LRRC1: variants seen among roughly 807,000 people sequenced by gnomAD.
LRRC1 encodes the protein leucine-rich repeat-containing protein 1.
Under a neutral mutation model 69.9 loss-of-function variants are expected in LRRC1, and 28 were observed. The ratio of observed to expected loss-of-function variants is 0.40; its 90% CI spans 0.30 to 0.55. The LOEUF (loss-of-function observed/expected upper bound fraction) is 0.55. Among genes scored for constraint, LRRC1 ranks in the 20% least tolerant of loss-of-function variants. The pLI, the probability that LRRC1 is intolerant of heterozygous loss-of-function variation, is 0.47. For synonymous variants in LRRC1, 236 were observed against 240.2 expected (o/e 0.98, Z 0.16); for missense variants, 498 against 609.0 (o/e 0.82, Z 1.92).
chr6:53,839,989 G>A (rs1357174466), intron 1 of LRRC1, among the ~76,000 whole-genome samples: 1 of 152,096 alleles, frequency 6.6e-6, no homozygotes, highest in Admixed American at 6.5e-5. Context: ...TCATATTGCT[G>A]CAGTGTAGAT....
chr6:53,808,093 G>A (rs1764688377), intron 1 of LRRC1, among the ~76,000 whole-genome samples: 1 of 152,248 alleles, frequency 6.6e-6, no homozygotes, highest in Admixed American at 6.5e-5. Flanking sequence ...TGAGATACCT[G>A]ATTTATGTTA....
At chr6:53,920,799 A>G (rs1768717149) in intron 13 of LRRC1, 38 bp downstream of exon 13, 2 of 1,610,938 alleles carry the variant, frequency 1.2e-6, no homozygotes, top group African/African-American at 2.7e-5. Flanking sequence ...GTGGAAGTTC[A>G]AAATTAAAAG....
chr6:53,878,631 A>G (rs1378555428), intron 2 of LRRC1, among the ~76,000 whole-genome samples: 1 of 152,144 alleles, frequency 6.6e-6, no homozygotes, highest in African/African-American at 2.4e-5. Context: ...GTAAATATGG[A>G]TGAAGCTTTG....
chr6:53,897,504 T>C, intron 7 of LRRC1, 145 bp downstream of exon 7: 1 of 604,434 alleles, frequency 1.7e-6, no homozygotes, highest in Non-Finnish European at 2.9e-6. Flanking sequence ...GGAAAAAACA[T>C]ATTGAGCATG....
intron 10 of LRRC1, among the ~76,000 whole-genome samples, chr6:53,906,122 A>G (rs1256890945): frequency 1.3e-5 from 2 of 152,186 alleles, no homozygotes; most frequent in Non-Finnish European, 2.9e-5. Flanking sequence ...TACTTGTTGA[A>G]TCCTTACAAC....
rs117014342 is a variant in LRRC1, at chr6:53,857,308, A to G, written c.277+15081A>G. On this transcript the variant is annotated intron_variant, in intron 2 of 13. Coordinates refer to ENST00000370888, the MANE Select transcript of LRRC1 (RefSeq NM_018214.5). ...GGGCCCTTGTAAGATTCTGAGAAGG[A>G]ACAGCAGGAAGACTGGTCAGCAGTG... Among the ~76,000 whole-genome samples the G allele has an allele frequency of 2.7e-3, 404 of 152,308 alleles. 4 individuals carry two copies. In the East Asian group the frequency reaches 0.041, roughly 15 times the overall value.
intron 4 of LRRC1, among the ~76,000 whole-genome samples, chr6:53,883,317 C>T (rs1231761505): frequency 1.3e-5 from 2 of 152,194 alleles, no homozygotes; most frequent in African/African-American, 4.8e-5. Flanking sequence ...AACAACCACT[C>T]AGTAATTTTA....
Position 53,834,051 on chromosome 6 carries a change from C to T in LRRC1, c.160-8059C>T, listed in dbSNP as rs887788845. On this transcript the variant is annotated intron_variant, in intron 1 of 13. Transcript: ENST00000370888. ...CTGTCCTGCTGCTCTGTGATACCTCCCCTATTGCCTTCAGAAACTAGACCT... is the reference window on the plus strand; with the variant it reads ...CTGTCCTGCTGCTCTGTGATACCTCTCCTATTGCCTTCAGAAACTAGACCT... 2.6e-5 allele frequency among the ~76,000 whole-genome samples: 4 copies of T among 152,274 alleles called. 1 individual carries two copies. Among genetic ancestry groups the T allele is most frequent in the Admixed American group, 2.6e-4 (4 of 15,304 alleles).
intron 2 of LRRC1, among the ~76,000 whole-genome samples, chr6:53,868,743 C>G (rs1250381309): frequency 6.6e-6 from 1 of 152,150 alleles, no homozygotes; most frequent in Non-Finnish European, 1.5e-5. Context: ...ATATGGTAAT[C>G]TGCTATCAAG....
chr6:53,849,423 T>G (rs1225800382), intron 2 of LRRC1, among the ~76,000 whole-genome samples: 2 of 152,228 alleles, frequency 1.3e-5, no homozygotes, highest in Non-Finnish European at 2.9e-5. Flanking sequence ...AGGCCGTTTC[T>G]GTAGGTATCA....
chr6:53,868,750 CAA>C (rs1309743690), intron 2 of LRRC1, among the ~76,000 whole-genome samples: 1 of 152,164 alleles, frequency 6.6e-6, no homozygotes, highest in African/African-American at 2.4e-5. Flanking sequence ...AATCTGCTAT[CAA>C]GAGATCTTTC....
chr6:53,920,593 A>T, intron 12 of LRRC1, 32 bp from the exon 13 acceptor site: 3 of 1,614,022 alleles, frequency 1.9e-6, no homozygotes, highest in Non-Finnish European at 2.5e-6. Context: ...ATGAAACGCA[A>T]TTCCCTGCTT....
intron 2 of LRRC1, among the ~76,000 whole-genome samples, chr6:53,854,468 G>A (rs1274100153): frequency 6.6e-6 from 1 of 152,064 alleles, no homozygotes; most frequent in Non-Finnish European, 1.5e-5. Flanking sequence ...ATATTTATTG[G>A]GTGCTTACTG....
chr6:53,899,700 T>C lies in LRRC1; in HGVS notation c.643-47T>C, dbSNP rs545934836. On this transcript the variant is annotated intron_variant, in intron 7 of 13. Coordinates refer to ENST00000370888, the MANE Select transcript of LRRC1 (RefSeq NM_018214.5). ...ATCACTGGAACAAATGCCTCTGCACTGTGGCAGGTTTAAGTGTGCGTTTAT... is the reference window on the plus strand; with the variant it reads ...ATCACTGGAACAAATGCCTCTGCACCGTGGCAGGTTTAAGTGTGCGTTTAT... 1.3e-5 allele frequency: 21 copies of C among 1,592,226 alleles called. No homozygotes were observed. The South Asian group carries it at 1.7e-4, about 13-fold the overall frequency.
chr6:53,916,992 T>C (rs919432111), intron 11 of LRRC1, among the ~76,000 whole-genome samples: 2 of 152,208 alleles, frequency 1.3e-5, no homozygotes, highest in African/African-American at 4.8e-5. Flanking sequence ...TGGTCCTAAA[T>C]AGAACACAGA....
intron 1 of LRRC1, among the ~76,000 whole-genome samples, chr6:53,826,016 AG>A (rs1158007783): frequency 6.6e-6 from 1 of 151,788 alleles, no homozygotes; most frequent in East Asian, 2.0e-4. Context: ...GCATGGTCAC[AG>A]TTTTCATTCC....
chr6:53,881,328 G>A lies in LRRC1; in HGVS notation c.357-1559G>A, dbSNP rs1767283749. On this transcript the variant is annotated intron_variant, in intron 3 of 13. Transcript: ENST00000370888. ...GTTCGTTTCTCCTAACCTTGGGTCT[G>A]TACTTCCTCATCACATCTAGTTTAG... Among the ~76,000 whole-genome samples, 3 of 152,138 alleles carry A rather than the reference G, an allele frequency of 2.0e-5. No homozygotes were observed. In the South Asian group the frequency reaches 6.2e-4, roughly 32 times the overall value.
At chr6:53,895,797 G>T (rs1194774003) in intron 4 of LRRC1, among the ~76,000 whole-genome samples, 1 of 152,192 alleles carries the variant, frequency 6.6e-6, no homozygotes, top group Non-Finnish European at 1.5e-5. Flanking sequence ...CATCCAAGAG[G>T]CTGGAGAATC....
chr6:53,880,172 C>T (rs1216380330), intron 3 of LRRC1, among the ~76,000 whole-genome samples: 1 of 152,068 alleles, frequency 6.6e-6, no homozygotes, highest in Non-Finnish European at 1.5e-5. Context: ...TTTCCAATAC[C>T]TTCTTATTGC....
Sources: gnomAD v4.1 joint callset for allele counts (sites outside exome capture counted in the v4.1 genomes callset) on GRCh38, gnomAD v4.1.1 for gene constraint, MANE v1.5 for transcripts, NCBI Gene and HGNC (gene_info 2026-07-23, HGNC 2026-07-21) for gene names.